Variants in FILIP1L observed in about 807,000 individuals in gnomAD.
The protein encoded by FILIP1L is filamin A interacting protein 1 like.
Under a neutral mutation model 96.6 loss-of-function variants are expected in FILIP1L, and 55 were observed. That is an observed-to-expected ratio of 0.57 (90% CI 0.46 to 0.71). The LOEUF is 0.71. Among genes scored for constraint, FILIP1L ranks in the 30% least tolerant of loss-of-function variants. FILIP1L has a pLI of 0.00. For missense variants in FILIP1L, 1,304 were observed against 1,321.2 expected, an observed-to-expected ratio of 0.99 and a Z score of 0.20; for synonymous variants, 467 against 473.9, an observed-to-expected ratio of 0.99 and a Z score of 0.19.
chr3:100,063,682 G>A (rs1333018757), intron 1 of FILIP1L, among the ~76,000 whole-genome samples: 1 of 152,058 alleles, frequency 6.6e-6, no homozygotes, highest in Non-Finnish European at 1.5e-5. Context: ...TTTTTAACTG[G>A]TTAGTGAGTT....
chr3:99,888,297 T>C (rs1359457907), intron 4 of FILIP1L, among the ~76,000 whole-genome samples: 1 of 151,930 alleles, frequency 6.6e-6, no homozygotes, highest in African/African-American at 2.4e-5. Flanking sequence ...ACCTGGAAGG[T>C]TGAGGCTACA....
At position 100,030,545 on chromosome 3, in the gene FILIP1L, G is replaced by A. The variant is rs527541359; in HGVS notation, c.-11+83508C>T. Among the ~76,000 whole-genome samples, 16 of 152,110 alleles carry A rather than the reference G, an allele frequency of 1.1e-4. No individual in the cohort carries two copies. In the South Asian group the frequency reaches 2.3e-3, roughly 22 times the overall value. On this transcript the variant is annotated intron_variant, in intron 1 of 5. Coordinates refer to ENST00000477258, the MANE Select transcript of FILIP1L (RefSeq NM_001387850.1). ...GTCTTTTCTCAGAACCTGTTTTCCCGTTGAGAGCACCTGTTCCAAAGTTGC... is the reference window on the plus strand; with the variant it reads ...GTCTTTTCTCAGAACCTGTTTTCCCATTGAGAGCACCTGTTCCAAAGTTGC...
At position 99,852,603 on chromosome 3, in the gene FILIP1L, G is replaced by A. The variant is rs139008650; in HGVS notation, c.606-1533C>T. On this transcript the variant is annotated intron_variant, in intron 4 of 5. Coordinates refer to ENST00000477258, the MANE Select transcript of FILIP1L (RefSeq NM_001387850.1). Reference sequence around the variant, plus strand: ...TGGGATTATAGGCACGCACCACCACGCCCAGCTAATTTTTGTATTTTTAGT... The same window carrying A: ...TGGGATTATAGGCACGCACCACCACACCCAGCTAATTTTTGTATTTTTAGT... 5.0e-3 allele frequency among the ~76,000 whole-genome samples: 762 copies of A among 151,928 alleles called. 5 individuals are homozygous for A. The highest frequency in any genetic ancestry group is 0.011 in the African/African-American group (462 of 41,426).
At chr3:99,932,532 A>G (rs934751632) in intron 1 of FILIP1L, among the ~76,000 whole-genome samples, 1 of 151,618 alleles carries the variant, frequency 6.6e-6, no homozygotes, top group Non-Finnish European at 1.5e-5. Context: ...ATTCTTGCAC[A>G]TTTTTTTCCC....
intron 4 of FILIP1L, among the ~76,000 whole-genome samples, chr3:99,872,501 G>C (rs113068101): frequency 6.6e-6 from 1 of 152,028 alleles, no homozygotes; most frequent in South Asian, 2.1e-4. Context: ...GTTGAGGTAT[G>C]TCTGCATCCT....
intron 1 of FILIP1L, among the ~76,000 whole-genome samples, chr3:99,954,312 G>T (rs1708258422): frequency 6.6e-6 from 1 of 152,180 alleles, no homozygotes; most frequent in Non-Finnish European, 1.5e-5. Flanking sequence ...TGCCAAGAGG[G>T]AGTATAATAT....
intron 4 of FILIP1L, among the ~76,000 whole-genome samples, chr3:99,872,113 G>A (rs1944818763): frequency 6.6e-6 from 1 of 152,090 alleles, no homozygotes; most frequent in African/African-American, 2.4e-5. Flanking sequence ...TGTAGCCCAA[G>A]AATGCAGGGG....
intron 1 of FILIP1L, among the ~76,000 whole-genome samples, chr3:99,983,480 A>G (rs1255645349): frequency 0.017 from 392 of 22,476 alleles, 15 homozygotes; most frequent in African/African-American, 0.044. Context: ...ATATATATAT[A>G]TATATATATA....
intron 1 of FILIP1L, among the ~76,000 whole-genome samples, chr3:100,030,360 C>T (rs1331684749): frequency 1.3e-5 from 2 of 152,090 alleles, no homozygotes; most frequent in Non-Finnish European, 2.9e-5. Context: ...GTTGGTTTTC[C>T]ATGAAAGAAA....
At chr3:100,003,471 C>T (rs755353611) in intron 1 of FILIP1L, among the ~76,000 whole-genome samples, 2 of 152,176 alleles carry the variant, frequency 1.3e-5, no homozygotes, top group African/African-American at 2.4e-5. Flanking sequence ...ATGATAGATG[C>T]GTTCACATGC....
chr3:99,989,361 A>G (rs1184014691), intron 1 of FILIP1L, among the ~76,000 whole-genome samples: 1 of 152,146 alleles, frequency 6.6e-6, no homozygotes, highest in Non-Finnish European at 1.5e-5. Flanking sequence ...GAGTGAGGAA[A>G]CAGGAAAATC....
intron 1 of FILIP1L, among the ~76,000 whole-genome samples, chr3:100,074,794 A>G (rs1022723069): frequency 2.6e-4 from 37 of 143,728 alleles, no homozygotes; most frequent in African/African-American, 9.6e-4. Flanking sequence ...ACTGGGTTCA[A>G]GCGATTCTCT....
At chr3:99,951,394 G>A (rs1245785694) in intron 1 of FILIP1L, among the ~76,000 whole-genome samples, 1 of 152,072 alleles carries the variant, frequency 6.6e-6, no homozygotes, top group Non-Finnish European at 1.5e-5. Context: ...GTTTGCTCAC[G>A]GATACCTTGC....
chr3:100,011,962 T>C (rs1710168737), intron 1 of FILIP1L, among the ~76,000 whole-genome samples: 2 of 152,242 alleles, frequency 1.3e-5, no homozygotes, highest in Admixed American at 6.5e-5. Context: ...TAAGATATTG[T>C]GTGGCTGCTT....
intron 1 of FILIP1L, among the ~76,000 whole-genome samples, chr3:100,030,051 A>G (rs1267636840): frequency 6.6e-6 from 1 of 152,186 alleles, no homozygotes; most frequent in Non-Finnish European, 1.5e-5. Flanking sequence ...GAAATGAAGA[A>G]AATCAGAACT....
intron 1 of FILIP1L, among the ~76,000 whole-genome samples, chr3:99,985,984 T>G (rs1488947556): frequency 6.6e-6 from 1 of 152,226 alleles, no homozygotes; most frequent in African/African-American, 2.4e-5. Context: ...ACCACAATAC[T>G]TTGATACTAA....
intron 1 of FILIP1L, among the ~76,000 whole-genome samples, chr3:100,046,131 T>C (rs1441619699): frequency 6.6e-6 from 1 of 152,212 alleles, no homozygotes; most frequent in Non-Finnish European, 1.5e-5. Flanking sequence ...CACAGCTAAA[T>C]AGCTGTATTC....
At chr3:100,111,823 T>C (rs2107478564) in intron 1 of FILIP1L, among the ~76,000 whole-genome samples, 1 of 152,324 alleles carries the variant, frequency 6.6e-6, no homozygotes, top group East Asian at 1.9e-4. Context: ...AAGGCTCAAG[T>C]ATTTGCACTA....
chr3:100,008,804 G>A (rs912588526), intron 1 of FILIP1L, among the ~76,000 whole-genome samples: 3 of 152,172 alleles, frequency 2.0e-5, no homozygotes, highest in Admixed American at 2.0e-4. Flanking sequence ...TGCAGAAATA[G>A]CATAATGTCA....
Sources: allele counts gnomAD v4.1 joint callset (sites outside exome capture counted in the v4.1 genomes callset), GRCh38; gene constraint gnomAD v4.1.1; transcripts MANE v1.5; gene names NCBI Gene and HGNC (gene_info 2026-07-23, HGNC 2026-07-21).